Variants in SLC9A9 observed in about 807,000 individuals in gnomAD.
SLC9A9 encodes sodium/hydrogen exchanger 9.
In SLC9A9, 62 loss-of-function variants were observed where a neutral mutation model predicts 77.8. The ratio of observed to expected loss-of-function variants is 0.80; its 90% confidence interval spans 0.65 to 0.98. The LOEUF is 0.98. Ranked by LOEUF, SLC9A9 falls within the 50% of genes least tolerant of loss-of-function variation. SLC9A9 has a pLI of 0.00. For synonymous variants in SLC9A9, 320 were observed against 283.5 expected (o/e 1.13, Z -1.29); for missense variants, 775 against 774.9 (o/e 1.00, Z 0.00).
intron 14 of SLC9A9, among the ~76,000 whole-genome samples, chr3:143,316,074 C>T (rs576222953): frequency 2.0e-5 from 3 of 152,290 alleles, no homozygotes; most frequent in African/African-American, 7.2e-5. Context: ...CTGACGCAGC[C>T]AGAATTGACG....
chr3:143,552,923 C>A (rs2036917878), intron 8 of SLC9A9, among the ~76,000 whole-genome samples: 1 of 152,160 alleles, frequency 6.6e-6, no homozygotes, highest in East Asian at 1.9e-4. Context: ...TATTAAAAGT[C>A]ATGAGTGACA....
chr3:143,452,471 AC>A (rs1243681513), intron 12 of SLC9A9, among the ~76,000 whole-genome samples: 3 of 150,790 alleles, frequency 2.0e-5, no homozygotes, highest in African/African-American at 7.3e-5. Flanking sequence ...TTCTGAAAAA[AC>A]AAAAAAGAAG....
intron 12 of SLC9A9, among the ~76,000 whole-genome samples, chr3:143,406,551 G>A (rs1284340008): frequency 6.6e-6 from 1 of 151,970 alleles, no homozygotes; most frequent in Non-Finnish European, 1.5e-5. Context: ...AGTAAAGACA[G>A]GGTTTCACCA....
chr3:143,783,751 A>G (rs1451149556), intron 4 of SLC9A9, among the ~76,000 whole-genome samples: 1 of 152,232 alleles, frequency 6.6e-6, no homozygotes, highest in Non-Finnish European at 1.5e-5. Flanking sequence ...AGAGAAGAGC[A>G]AACAATTATG....
intron 2 of SLC9A9, among the ~76,000 whole-genome samples, chr3:143,822,744 A>C (rs2009198696): frequency 6.6e-6 from 1 of 152,248 alleles, no homozygotes; most frequent in African/African-American, 2.4e-5. Context: ...AATGGGGAAA[A>C]GAATTGAAAG....
chr3:143,459,252 T>C (rs1376834812), intron 12 of SLC9A9, among the ~76,000 whole-genome samples: 3 of 152,096 alleles, frequency 2.0e-5, no homozygotes, highest in Non-Finnish European at 4.4e-5. Context: ...TCTTGTGAAA[T>C]ATTAAGATTT....
At chr3:143,434,646 C>T (rs745735091) in intron 12 of SLC9A9, among the ~76,000 whole-genome samples, 11 of 152,204 alleles carry the variant, frequency 7.2e-5, no homozygotes, top group Non-Finnish European at 1.3e-4. Flanking sequence ...CCGGCCCATC[C>T]CCCCCATCTC....
At position 143,493,814 on chromosome 3, in the gene SLC9A9, G is replaced by A. The variant is rs527254964; in HGVS notation, c.1204-50C>T. ...TGAGGAAAGTGTTGCTGCAATGATGGTTTGAATCCTTGAGCTTAAATATTA... is the reference window on the plus strand; with the variant it reads ...TGAGGAAAGTGTTGCTGCAATGATGATTTGAATCCTTGAGCTTAAATATTA... On this transcript the variant is annotated intron_variant, in intron 10 of 15. Coordinates refer to ENST00000316549, the MANE Select transcript of SLC9A9 (RefSeq NM_173653.4). 2.9e-5 allele frequency: 39 copies of A among 1,340,422 alleles called. 1 individual carries two copies. The South Asian group carries it at 3.7e-4, about 13-fold the overall frequency. The allele number at this position is 1,340,422 out of a possible 1,614,324, so 83.0% of individuals were successfully genotyped here. A position where few individuals can be genotyped will look rare whatever the true frequency, so the allele number is the denominator to read the frequency against.
intron 12 of SLC9A9, among the ~76,000 whole-genome samples, chr3:143,386,050 G>A (rs1216470106): frequency 6.6e-6 from 1 of 152,116 alleles, no homozygotes; most frequent in Non-Finnish European, 1.5e-5. Context: ...TGAACTCCAA[G>A]CACTGTCCTC....
At chr3:143,630,910 T>C (rs1374625596) in intron 6 of SLC9A9, among the ~76,000 whole-genome samples, 1 of 152,160 alleles carries the variant, frequency 6.6e-6, no homozygotes, top group African/African-American at 2.4e-5. Context: ...ACAAGAAGTC[T>C]TTTTCCAGCT....
chr3:143,648,923 C>T (rs890864094), intron 6 of SLC9A9, among the ~76,000 whole-genome samples: 1 of 152,170 alleles, frequency 6.6e-6, no homozygotes, highest in Non-Finnish European at 1.5e-5. Context: ...AGGGCGCTAA[C>T]CATGAAGTTG....
At chr3:143,268,168 T>C (rs895756186) in intron 15 of SLC9A9, among the ~76,000 whole-genome samples, 3 of 152,176 alleles carry the variant, frequency 2.0e-5, no homozygotes, top group African/African-American at 7.2e-5. Context: ...CCTAAGACTG[T>C]GCTCTTCTCC....
chr3:143,607,277 G>T (rs181683576), intron 6 of SLC9A9, among the ~76,000 whole-genome samples: 35 of 151,972 alleles, frequency 2.3e-4, no homozygotes, highest in African/African-American at 7.7e-4. Context: ...CTAATCATAT[G>T]CTTTTAGTAA....
chr3:143,412,941 C>G (rs1404389929), intron 12 of SLC9A9, among the ~76,000 whole-genome samples: 1 of 152,148 alleles, frequency 6.6e-6, no homozygotes. Flanking sequence ...TTTTCTTACT[C>G]TAGGTGGGAG....
chr3:143,658,339 A>C (rs567663240), intron 5 of SLC9A9, among the ~76,000 whole-genome samples: 1 of 152,352 alleles, frequency 6.6e-6, no homozygotes, highest in Admixed American at 6.5e-5. Flanking sequence ...CTAGCTAAGC[A>C]CATCCTTGAG....
At chr3:143,391,133 A>C (rs971343597) in intron 12 of SLC9A9, among the ~76,000 whole-genome samples, 1 of 152,226 alleles carries the variant, frequency 6.6e-6, no homozygotes, top group African/African-American at 2.4e-5. Flanking sequence ...TTGAGATCTG[A>C]GAACAGACAG....
At chr3:143,557,100 C>T (rs779304103) in intron 8 of SLC9A9, among the ~76,000 whole-genome samples, 2 of 152,122 alleles carry the variant, frequency 1.3e-5, no homozygotes, top group Non-Finnish European at 2.9e-5. Context: ...GTGATTGGAG[C>T]ATGGGGGTAG....
intron 9 of SLC9A9, among the ~76,000 whole-genome samples, chr3:143,541,092 T>A (rs1243608324): frequency 6.6e-6 from 1 of 152,174 alleles, no homozygotes; most frequent in Non-Finnish European, 1.5e-5. Context: ...CACTTCAAAA[T>A]GTAAATGAAT....
chr3:143,598,663 G>GT (rs1328089335), intron 6 of SLC9A9, among the ~76,000 whole-genome samples: 16 of 152,240 alleles, frequency 1.1e-4, no homozygotes, highest in African/African-American at 3.4e-4. Flanking sequence ...CTCAGTACTT[G>GT]TTTTTCTGAA....
Sources: gnomAD v4.1 joint callset for allele counts (sites outside exome capture counted in the v4.1 genomes callset) on GRCh38, gnomAD v4.1.1 for gene constraint, MANE v1.5 for transcripts, NCBI Gene and HGNC (gene_info 2026-07-23, HGNC 2026-07-21) for gene names.